OPCML: variants seen among roughly 807,000 people sequenced by gnomAD.
OPCML encodes opioid-binding protein/cell adhesion molecule.
OPCML carries 13 observed loss-of-function variants against 37.8 expected under a neutral mutation model. That is an observed-to-expected ratio of 0.34 (90% CI 0.22 to 0.55). The LOEUF is 0.55. OPCML is among the 20% of genes least tolerant of loss of function. OPCML has a pLI of 0.91. For missense variants in OPCML, 341 were observed against 435.6 expected, an observed-to-expected ratio of 0.78 and a Z score of 1.93; for synonymous variants, 176 against 168.8, an observed-to-expected ratio of 1.04 and a Z score of -0.33.
At chr11:132,730,132 C>A (rs1945027501) in intron 2 of OPCML, among the ~76,000 whole-genome samples, 1 of 150,820 alleles carries the variant, frequency 6.6e-6, no homozygotes, top group Non-Finnish European at 1.5e-5. Flanking sequence ...TCTGCCTCAG[C>A]CTCCCGAGTA....
At chr11:133,240,146 G>A (rs1327564985) in intron 1 of OPCML, among the ~76,000 whole-genome samples, 1 of 138,360 alleles carries the variant, frequency 7.2e-6, no homozygotes, top group African/African-American at 2.7e-5. Flanking sequence ...CCTCTGTGTT[G>A]TGTGCTTCCC....
chr11:133,508,274 T>C (rs530371056), intron 1 of OPCML, among the ~76,000 whole-genome samples: 1 of 152,224 alleles, frequency 6.6e-6, no homozygotes, highest in African/African-American at 2.4e-5. Context: ...TGGGTACAAA[T>C]CAGAGGAAGG....
At chr11:133,127,901 G>A (rs541459197) in intron 1 of OPCML, among the ~76,000 whole-genome samples, 12 of 152,128 alleles carry the variant, frequency 7.9e-5, no homozygotes, top group Admixed American at 2.0e-4. Flanking sequence ...TCTGAGTGAC[G>A]GGTCTGGTTG....
At chr11:133,227,224 C>T (rs1264248069) in intron 1 of OPCML, among the ~76,000 whole-genome samples, 2 of 152,166 alleles carry the variant, frequency 1.3e-5, no homozygotes, top group Non-Finnish European at 2.9e-5. Context: ...CCCTGTTTCA[C>T]CCCAGCCGCA....
Position 132,516,610 on chromosome 11 carries a change from G to A in OPCML, c.505+12451C>T, listed in dbSNP as rs77098716. ...CAAGGGATACTTTCTGGCCAGGGTGGAGCATATCATCCCAAGGAAAGGTTA... is the reference window on the plus strand; with the variant it reads ...CAAGGGATACTTTCTGGCCAGGGTGAAGCATATCATCCCAAGGAAAGGTTA... On this transcript the variant is annotated intron_variant, in intron 4 of 7. Coordinates refer to ENST00000524381, the MANE Select transcript of OPCML (RefSeq NM_001012393.5). Among the ~76,000 whole-genome samples the A allele has an allele frequency of 2.5e-3, 382 of 152,178 alleles. 3 individuals are homozygous for A. Among genetic ancestry groups the A allele is most frequent in the African/African-American group, 8.3e-3 (345 of 41,494 alleles).
chr11:133,022,120 T>C (rs752893980), intron 1 of OPCML, among the ~76,000 whole-genome samples: 3 of 152,228 alleles, frequency 2.0e-5, no homozygotes, highest in Non-Finnish European at 4.4e-5. Flanking sequence ...ATGTGATCTT[T>C]GGTTATGAGT....
intron 1 of OPCML, chr11:133,422,438 T>C (rs957904359): frequency 2.3e-5 from 22 of 974,570 alleles, no homozygotes; most frequent in Non-Finnish European, 2.7e-5. Context: ...CTCTCTATCA[T>C]TGTGGAGAGG....
At chr11:132,825,666 A>G (rs1940269841) in intron 2 of OPCML, among the ~76,000 whole-genome samples, 1 of 152,178 alleles carries the variant, frequency 6.6e-6, no homozygotes, top group Non-Finnish European at 1.5e-5. Context: ...ATACAACTCT[A>G]ATTAAACAAA....
chr11:133,472,529 G>A (rs1173987163), intron 1 of OPCML, among the ~76,000 whole-genome samples: 3 of 151,520 alleles, frequency 2.0e-5, no homozygotes, highest in Admixed American at 1.3e-4. Flanking sequence ...CCCGATCTTC[G>A]GCTGCCATTC....
intron 1 of OPCML, among the ~76,000 whole-genome samples, chr11:133,351,092 T>C (rs1944126427): frequency 6.6e-6 from 1 of 152,234 alleles, no homozygotes; most frequent in Non-Finnish European, 1.5e-5. Flanking sequence ...TAAGATGGAC[T>C]GAGTTACAAA....
At chr11:132,428,003 T>C (rs1484522070) in intron 7 of OPCML, among the ~76,000 whole-genome samples, 1 of 152,086 alleles carries the variant, frequency 6.6e-6, no homozygotes, top group African/African-American at 2.4e-5. Flanking sequence ...AATTGTGGAG[T>C]TGAAAAATAA....
intron 1 of OPCML, among the ~76,000 whole-genome samples, chr11:133,170,758 G>A (rs1262387578): frequency 6.6e-6 from 1 of 152,158 alleles, no homozygotes; most frequent in East Asian, 1.9e-4. Context: ...GGCCTACAAA[G>A]CCCCAACACT....
At chr11:132,647,860 G>A (rs1395842406) in intron 3 of OPCML, among the ~76,000 whole-genome samples, 1 of 152,196 alleles carries the variant, frequency 6.6e-6, no homozygotes, top group Non-Finnish European at 1.5e-5. Flanking sequence ...TGTTTTCCTG[G>A]TGATTATTTT....
intron 2 of OPCML, among the ~76,000 whole-genome samples, chr11:132,856,128 C>CA (rs1476909591): frequency 5.9e-5 from 9 of 152,100 alleles, no homozygotes; most frequent in Admixed American, 1.3e-4. Flanking sequence ...ATGTCCTAGG[C>CA]ATAAAAATTT....
chr11:132,566,073 G>C (rs144668105), intron 3 of OPCML, among the ~76,000 whole-genome samples: 1 of 152,188 alleles, frequency 6.6e-6, no homozygotes, highest in Non-Finnish European at 1.5e-5. Context: ...ATTTGGCTCT[G>C]TCTGATTAAC....
chr11:132,566,557 C>A (rs1029942417), intron 3 of OPCML, among the ~76,000 whole-genome samples: 1 of 152,182 alleles, frequency 6.6e-6, no homozygotes, highest in Non-Finnish European at 1.5e-5. Context: ...AATGTGTGAG[C>A]TTTCTCAAAT....
chr11:133,371,009 G>A (rs969792412), intron 1 of OPCML, among the ~76,000 whole-genome samples: 20 of 152,094 alleles, frequency 1.3e-4, no homozygotes, highest in Non-Finnish European at 2.2e-4. Flanking sequence ...AGTGGACAAA[G>A]GACATGAATA....
At chr11:133,172,183 C>A (rs1019195126) in intron 1 of OPCML, among the ~76,000 whole-genome samples, 8 of 152,144 alleles carry the variant, frequency 5.3e-5, no homozygotes, top group Non-Finnish European at 1.2e-4. Context: ...TGGTACCAAG[C>A]ACCTACTCCT....
At chr11:133,140,580 G>A (rs28828076) in intron 1 of OPCML, among the ~76,000 whole-genome samples, 6 of 116,016 alleles carry the variant, frequency 5.2e-5, no homozygotes, top group East Asian at 5.4e-4. Context: ...GAAGAAGAAA[G>A]AAGAAAAAAG....
Sources: gnomAD v4.1 joint callset for allele counts (sites outside exome capture counted in the v4.1 genomes callset) on GRCh38, gnomAD v4.1.1 for gene constraint, MANE v1.5 for transcripts, NCBI Gene and HGNC (gene_info 2026-07-23, HGNC 2026-07-21) for gene names.